The following GNG2 variants were observed in gnomAD, a reference collection of about 807,000 sequenced individuals.
GNG2 encodes the protein G protein subunit gamma 2, also known as guanine nucleotide-binding protein G(I)/G(S)/G(O) subunit gamma-2.
Under a neutral mutation model 5.5 loss-of-function variants are expected in GNG2, and 5 were observed. That is an observed-to-expected ratio of 0.91 (90% CI 0.48 to 1.92). The LOEUF is 1.92. GNG2 is among the 30% of genes most tolerant of loss of function. The pLI is 0.01. For synonymous variants in GNG2, 28 were observed against 32.0 expected (o/e 0.88, Z 0.42); for missense variants, 55 against 88.4 (o/e 0.62, Z 1.52).
chr14:51,966,370 T>C (rs1889920650), intron 3 of GNG2, among the ~76,000 whole-genome samples, 189 bp from the exon 4 acceptor site: 3 of 152,208 alleles, frequency 2.0e-5, no homozygotes, highest in Admixed American at 2.0e-4. Flanking sequence ...CCAGACTTGC[T>C]GGCAACAATC....
upstream of GNG2, among the ~76,000 whole-genome samples, chr14:51,858,808 C>A (rs1025009290): frequency 6.6e-6 from 1 of 152,174 alleles, no homozygotes; most frequent in Non-Finnish European, 1.5e-5. Flanking sequence ...TTTCTATCTG[C>A]TGGTGGATCA....
At chr14:51,846,654 G>C (rs1264691177) in intron 2 of GNG2, among the ~76,000 whole-genome samples, 2 of 152,172 alleles carry the variant, frequency 1.3e-5, no homozygotes, top group African/African-American at 4.8e-5. Context: ...TGGAACGCAG[G>C]CTGAGTGCTG....
chr14:51,830,568 A>G (rs1359977501), intron 2 of GNG2, among the ~76,000 whole-genome samples: 1 of 152,192 alleles, frequency 6.6e-6, no homozygotes, highest in Non-Finnish European at 1.5e-5. Flanking sequence ...TATCCTTCTA[A>G]TTAAGCCAAA....
At chr14:51,925,855 C>G (rs955365740) in intron 2 of GNG2, among the ~76,000 whole-genome samples, 6 of 151,786 alleles carry the variant, frequency 4.0e-5, no homozygotes, top group African/African-American at 1.5e-4. Context: ...CTCCTGGCCT[C>G]AAGTGATTCA....
At chr14:51,883,985 A>G (rs1673040783) in intron 2 of GNG2, among the ~76,000 whole-genome samples, 1 of 152,172 alleles carries the variant, frequency 6.6e-6, no homozygotes, top group Admixed American at 6.5e-5. Context: ...AGGGACAGGC[A>G]TAAATGAAAA....
intron 2 of GNG2, among the ~76,000 whole-genome samples, chr14:51,833,192 G>A (rs941584024): frequency 2.6e-5 from 4 of 152,080 alleles, no homozygotes; most frequent in Admixed American, 6.5e-5. Flanking sequence ...CAGGTCTGAG[G>A]GACTTGGAGG....
chr14:51,954,024 G>A (rs1323878675), intron 3 of GNG2, among the ~76,000 whole-genome samples: 1 of 152,102 alleles, frequency 6.6e-6, no homozygotes, highest in African/African-American at 2.4e-5. Flanking sequence ...AGTTGTTGAG[G>A]GTCCCTTAAG....
At chr14:51,893,032 C>T (rs189678424) in intron 2 of GNG2, among the ~76,000 whole-genome samples, 5 of 152,284 alleles carry the variant, frequency 3.3e-5, no homozygotes, top group Admixed American at 2.6e-4. Context: ...ACTCCACTGT[C>T]GCCTGTGGAG....
intron 2 of GNG2, among the ~76,000 whole-genome samples, chr14:51,938,775 A>G (rs1888155216): frequency 6.6e-6 from 1 of 152,152 alleles, no homozygotes; most frequent in African/African-American, 2.4e-5. Context: ...AGGATTTCTC[A>G]TGTTATGATT....
chr14:51,951,900 C>T (rs1055157457), intron 3 of GNG2: 4 of 701,942 alleles, frequency 5.7e-6, no homozygotes, highest in African/African-American at 3.5e-5. Context: ...GTTCACTGAC[C>T]CCTGGTCTAC....
chr14:51,871,667 C>T (rs1317291574), intron 1 of GNG2, among the ~76,000 whole-genome samples: 1 of 152,208 alleles, frequency 6.6e-6, no homozygotes, highest in Non-Finnish European at 1.5e-5. Flanking sequence ...TATCACAAAT[C>T]TGCAGTAGAG....
intron 2 of GNG2, among the ~76,000 whole-genome samples, chr14:51,833,730 C>T (rs1881259466): frequency 6.6e-6 from 1 of 152,214 alleles, no homozygotes; most frequent in African/African-American, 2.4e-5. Context: ...TTTAGAAAAG[C>T]TCCTGGGAGT....
chr14:51,827,409 G>T (rs1488548633), intron 1 of GNG2, among the ~76,000 whole-genome samples: 1 of 152,144 alleles, frequency 6.6e-6, no homozygotes, highest in African/African-American at 2.4e-5. Context: ...CAGGGATTCC[G>T]CAATCTGCCT....
In GNG2 at chr14:51,968,732, C is replaced by T. The variant is rs1282635574; in HGVS notation, c.*2045C>T. 6.6e-6 allele frequency: 1 copy of T among 152,178 alleles called. No homozygotes were observed. Among genetic ancestry groups the T allele is most frequent in the Non-Finnish European group, 1.5e-5 (1 of 68,028 alleles). The allele number at this position is 152,178 out of a possible 1,614,324, so 9.4% of individuals were successfully genotyped here. On this transcript the variant is annotated 3_prime_UTR_variant, in exon 4 of 4. Transcript: ENST00000556766. ...AAGCTAAAACATATCACAGTTTTTA[C>T]ATGGGCCAAAACATGAATTGAGTAT...
At chr14:51,878,009 G>T (rs1182575741) in intron 2 of GNG2, 1 of 177,328 alleles carries the variant, frequency 5.6e-6, no homozygotes, top group Non-Finnish European at 1.2e-5. Flanking sequence ...CTCAGATGAG[G>T]CTGATTAGGT....
intron 3 of GNG2, among the ~76,000 whole-genome samples, chr14:51,965,172 T>G (rs914254181): frequency 1.3e-5 from 2 of 152,232 alleles, no homozygotes; most frequent in Non-Finnish European, 2.9e-5. Flanking sequence ...TGTCATCATG[T>G]GGGCATGTAT....
At chr14:51,863,096 T>C (rs1180277379) in intron 1 of GNG2, among the ~76,000 whole-genome samples, 1 of 152,160 alleles carries the variant, frequency 6.6e-6, no homozygotes. Flanking sequence ...TGTGTTTGTT[T>C]GACTGACTTT....
chr14:51,926,886 C>T (rs1887362098), intron 2 of GNG2, among the ~76,000 whole-genome samples: 1 of 152,110 alleles, frequency 6.6e-6, no homozygotes, highest in Non-Finnish European at 1.5e-5. Flanking sequence ...GGAGAAAGCC[C>T]TACAACAATG....
chr14:51,852,764 G>A (rs2153309), intron 2 of GNG2, among the ~76,000 whole-genome samples: 23,854 of 152,124 alleles, frequency 0.16, 1,988 homozygotes, highest in Non-Finnish European at 0.19. Flanking sequence ...CTAAAGTAAC[G>A]GAAATCATTT....
Sources: allele counts gnomAD v4.1 joint callset (sites outside exome capture counted in the v4.1 genomes callset), GRCh38; gene constraint gnomAD v4.1.1; transcripts MANE v1.5; gene names NCBI Gene and HGNC (gene_info 2026-07-23, HGNC 2026-07-21).